The following UNC80 variants were observed in gnomAD, a reference collection of about 807,000 sequenced individuals.
The protein encoded by UNC80 is protein unc-80 homolog.
UNC80 carries 164 observed loss-of-function variants against 384.6 expected under a neutral mutation model. The ratio of observed to expected loss-of-function variants is 0.43; its 90% CI spans 0.38 to 0.49. The LOEUF (loss-of-function observed/expected upper bound fraction) is 0.49. UNC80 is among the 20% of genes least tolerant of loss of function. The probability of loss-of-function intolerance (pLI) is 0.00; values close to 1 mark genes in which losing one functional copy is unlikely to be tolerated. For synonymous variants in UNC80, 1,486 were observed against 1,527.8 expected, an observed-to-expected ratio of 0.97 and a Z score of 0.64; for missense variants, 3,330 against 4,143.0, an observed-to-expected ratio of 0.80 and a Z score of 5.39.
At chr2:209,947,943 T>C (rs955056002) in intron 47 of UNC80, among the ~76,000 whole-genome samples, 3 of 152,186 alleles carry the variant, frequency 2.0e-5, no homozygotes, top group Admixed American at 2.0e-4. Flanking sequence ...TAGCTACTTT[T>C]TAATGTCTGA....
chr2:209,937,794 T>G (rs1465741016), intron 42 of UNC80, among the ~76,000 whole-genome samples, 164 bp downstream of exon 42: 1 of 152,178 alleles, frequency 6.6e-6, no homozygotes, highest in African/African-American at 2.4e-5. Context: ...AGTGTAAGAT[T>G]TACAAATTGG....
intron 21 of UNC80, among the ~76,000 whole-genome samples, chr2:209,843,065 T>C (rs2124824147): frequency 6.6e-6 from 1 of 152,318 alleles, no homozygotes; most frequent in East Asian, 1.9e-4. Flanking sequence ...TTGATCTCAC[T>C]GCTGCTAGTT....
intron 54 of UNC80, among the ~76,000 whole-genome samples, chr2:209,971,744 G>A (rs1040518516): frequency 5.3e-5 from 8 of 152,214 alleles, no homozygotes; most frequent in Non-Finnish European, 1.2e-4. Context: ...AATAACTTGC[G>A]TACAAAGATC....
chr2:209,884,397 C>CCTTTTGTGCAATATTGTGCT (rs1454103249), intron 25 of UNC80, among the ~76,000 whole-genome samples: 1 of 152,146 alleles, frequency 6.6e-6, no homozygotes, highest in Non-Finnish European at 1.5e-5. Context: ...CATATTGGGT[C>CCTTTTGTGCAATATTGTGCT]CTTTTGTGCA....
chr2:209,998,289 A>G lies in UNC80; in HGVS notation c.*2694A>G, dbSNP rs1250876219. 6.6e-6 allele frequency: 1 copy of G among 152,276 alleles called. No individual in the cohort carries two copies. 9.4% of individuals were successfully genotyped at this position (152,276 alleles called of 1,614,324 possible). A position where few individuals can be genotyped will look rare whatever the true frequency, so the allele number is the denominator to read the frequency against. On this transcript the variant is annotated 3_prime_UTR_variant, in exon 65 of 65. Transcript: ENST00000673920. ...TTCTGGATATAGGATCTCCTATAGC[A>G]AAACATTTTACTTTCATTTTTCAGT...
At chr2:209,809,616 C>T (rs1028101628) in intron 7 of UNC80, 3 of 662,042 alleles carry the variant, frequency 4.5e-6, no homozygotes, top group African/African-American at 1.8e-5. Context: ...CTACCAGACA[C>T]CCTGCCCCCG....
chr2:209,835,799 C>T (rs41502644), intron 18 of UNC80, among the ~76,000 whole-genome samples: 1,600 of 152,286 alleles, frequency 0.011, 24 homozygotes, highest in African/African-American at 0.036. Context: ...CCTTTCTTCA[C>T]AGTCAGGGAA....
At chr2:209,887,967 C>T (rs982117904) in intron 25 of UNC80, 128 bp from the exon 26 acceptor site, 5 of 704,432 alleles carry the variant, frequency 7.1e-6, no homozygotes, top group Admixed American at 6.0e-5. Flanking sequence ...CTAAAATTAG[C>T]GTCAGATAAA....
In UNC80 at chr2:209,789,623, A is replaced by C; in HGVS notation, c.798+18A>C. 6.3e-7 allele frequency: 1 copy of C among 1,579,828 alleles called. No individual in the cohort carries two copies. Among genetic ancestry groups the C allele is most frequent in the Non-Finnish European group, 8.7e-7 (1 of 1,149,612 alleles). ...ACTTAGAGGTTAGTTTATTATAATC[A>C]TAAGAAGAAGGGAGGCAGAAAGTCC... On this transcript the variant is annotated intron_variant, in intron 6 of 64. Transcript: ENST00000673920.
chr2:209,880,913 A>AT, intron 24 of UNC80, 48 bp from the exon 25 acceptor site: 5 of 1,535,632 alleles, frequency 3.3e-6, no homozygotes, highest in East Asian at 2.5e-5. Context: ...GCATTTCTGT[A>AT]TTTTTTGTTG....
In UNC80 at chr2:209,998,050, A is replaced by G. The variant is rs1021631788; in HGVS notation, c.*2455A>G. The G allele has an allele frequency of 6.6e-6, 1 of 152,202 alleles. No homozygotes were observed. The highest frequency in any genetic ancestry group is 1.5e-5 in the Non-Finnish European group (1 of 68,030). The allele number at this position is 152,202 out of a possible 1,614,324, so 9.4% of individuals were successfully genotyped here. On this transcript the variant is annotated 3_prime_UTR_variant, in exon 65 of 65. Transcript: ENST00000673920. Reference sequence around the variant, plus strand: ...GCTAATTACTACATATGATAAATGCAGTGTTGGTAATAGTAGATCATTTCT... The same window carrying G: ...GCTAATTACTACATATGATAAATGCGGTGTTGGTAATAGTAGATCATTTCT...
At position 209,823,818 on chromosome 2, in the gene UNC80, G is replaced by A. The variant is rs560901423; in HGVS notation, c.2332-2089G>A. On this transcript the variant is annotated intron_variant, in intron 13 of 64. Transcript: ENST00000673920. ...CAGGTAGGTTAAGTAGTTTGTCCAA[G>A]GTTATATAGTTAGTAAATGTTGAAG... 2.1e-3 allele frequency among the ~76,000 whole-genome samples: 316 copies of A among 151,996 alleles called. 1 individual carries two copies. Among genetic ancestry groups the A allele is most frequent in the Middle Eastern group, 0.02 (6 of 294 alleles).
rs561613923 is a variant in UNC80, at chr2:209,850,460, A to G, written c.3627+837A>G. 3.9e-5 allele frequency among the ~76,000 whole-genome samples: 6 copies of G among 152,252 alleles called. No individual in the cohort carries two copies. The East Asian group carries it at 7.7e-4, about 20-fold the overall frequency. ...AATGATCCTTTTTTCGGGTTTTATG[A>G]CACATGAATAAGTGACCAGTGGTCA... On this transcript the variant is annotated intron_variant, in intron 22 of 64. Transcript: ENST00000673920.
chr2:209,913,582 C>T (rs889986150), intron 30 of UNC80, among the ~76,000 whole-genome samples: 14 of 152,052 alleles, frequency 9.2e-5, no homozygotes, highest in East Asian at 7.7e-4. Context: ...GTGGTGAAAA[C>T]GTCATAAAAT....
At chr2:209,773,197 A>G (rs1009823360) in intron 2 of UNC80, 55 bp downstream of exon 2, 2 of 1,464,326 alleles carry the variant, frequency 1.4e-6, no homozygotes, top group African/African-American at 2.8e-5. Context: ...GGTGGTTTGA[A>G]CCCAAAGACA....
chr2:209,932,505 T>C (rs2090955855), intron 38 of UNC80, among the ~76,000 whole-genome samples: 1 of 152,184 alleles, frequency 6.6e-6, no homozygotes, highest in Non-Finnish European at 1.5e-5. Flanking sequence ...CGCTTGCCTG[T>C]GTACCTGCCC....
At position 209,907,545 on chromosome 2, in the gene UNC80, A is replaced by T. The variant is rs143273343; in HGVS notation, c.4782+2580A>T. Among the ~76,000 whole-genome samples, 11 of 152,274 alleles carry T rather than the reference A, an allele frequency of 7.2e-5. No homozygotes were observed. In the East Asian group the frequency reaches 2.1e-3, roughly 29 times the overall value. On this transcript the variant is annotated intron_variant, in intron 29 of 64. Coordinates refer to ENST00000673920, the MANE Select transcript of UNC80 (RefSeq NM_001371986.1). The stretch of plus-strand genomic sequence containing the variant: ...TAAAGGATGCATAGATGTTAATTGG[A>T]TACAGATTTGCCAACCAGCGAGAAG...
chr2:209,925,994 A>G (rs2090404232), intron 35 of UNC80, among the ~76,000 whole-genome samples: 1 of 152,204 alleles, frequency 6.6e-6, no homozygotes, highest in Admixed American at 6.5e-5. Flanking sequence ...GCTGTTAAAT[A>G]CCTTTTCTAC....
At chr2:209,774,662 T>C (rs2076766221) in intron 2 of UNC80, among the ~76,000 whole-genome samples, 1 of 152,200 alleles carries the variant, frequency 6.6e-6, no homozygotes, top group African/African-American at 2.4e-5. Context: ...TCTTTTAGTG[T>C]CTAATATATG....
Sources: allele counts gnomAD v4.1 joint callset (sites outside exome capture counted in the v4.1 genomes callset), GRCh38; gene constraint gnomAD v4.1.1; transcripts MANE v1.5; gene names NCBI Gene and HGNC (gene_info 2026-07-23, HGNC 2026-07-21).